Variants in CNOT6L observed in about 807,000 individuals in gnomAD.
The protein encoded by CNOT6L is CCR4-NOT transcription complex subunit 6-like.
Under a neutral mutation model 64.0 loss-of-function variants are expected in CNOT6L, and 7 were observed. That is an observed-to-expected ratio of 0.11 (90% confidence interval 0.06 to 0.21). The LOEUF is 0.21. CNOT6L is among the 10% of genes least tolerant of loss of function. CNOT6L has a pLI of 1.00. For missense variants in CNOT6L, 245 were observed against 669.0 expected, an observed-to-expected ratio of 0.37 and a Z score of 6.99; for synonymous variants, 193 against 243.4, an observed-to-expected ratio of 0.79 and a Z score of 1.93.
In CNOT6L at chr4:77,714,994, C is replaced by T. The variant is rs1310928760; in HGVS notation, c.*5437G>A. 2.0e-5 allele frequency: 3 copies of T among 152,380 alleles called. No homozygotes were observed. Among genetic ancestry groups the T allele is most frequent in the African/African-American group, 7.2e-5 (3 of 41,434 alleles). 9.4% of individuals were successfully genotyped at this position (152,380 alleles called of 1,614,324 possible). A position where few individuals can be genotyped will look rare whatever the true frequency, so the allele number is the denominator to read the frequency against. ...AACTAAATTAAATTGGTACATATAA[C>T]AATTGATAGCTTGAAAGACAATACA... On this transcript the variant is annotated 3_prime_UTR_variant, in exon 12 of 12. Transcript: ENST00000504123.
chr4:77,785,059 G>T (rs989445295), intron 1 of CNOT6L, among the ~76,000 whole-genome samples: 1 of 152,156 alleles, frequency 6.6e-6, no homozygotes. Flanking sequence ...GTAATCCAGA[G>T]AGTTTGGTAT....
In CNOT6L at chr4:77,718,589, G is replaced by A. The variant is rs1280910054; in HGVS notation, c.*1842C>T. 5.3e-5 allele frequency: 8 copies of A among 152,364 alleles called. No individual in the cohort carries two copies. The highest frequency in any genetic ancestry group is 8.8e-5 in the Non-Finnish European group (6 of 67,968). The allele number at this position is 152,364 out of a possible 1,614,324, so 9.4% of individuals were successfully genotyped here. On this transcript the variant is annotated 3_prime_UTR_variant, in exon 12 of 12. Transcript: ENST00000504123. Reference sequence around the variant, plus strand: ...CCAATTATAATAGATGACAAACAACGCCTCTATCACTAGGCACTTTTAAAA... The same window carrying A: ...CCAATTATAATAGATGACAAACAACACCTCTATCACTAGGCACTTTTAAAA...
chr4:77,763,420 T>C (rs1028267048), intron 4 of CNOT6L, among the ~76,000 whole-genome samples: 4 of 152,086 alleles, frequency 2.6e-5, no homozygotes, highest in African/African-American at 7.2e-5. Flanking sequence ...CAGTACCTAG[T>C]ATTGGGTTCA....
At chr4:77,811,131 A>G (rs912711842) in intron 1 of CNOT6L, among the ~76,000 whole-genome samples, 4 of 152,192 alleles carry the variant, frequency 2.6e-5, no homozygotes, top group Non-Finnish European at 5.9e-5. Context: ...GAAATTCTCC[A>G]CACAATTTTT....
intron 1 of CNOT6L, among the ~76,000 whole-genome samples, chr4:77,812,308 G>A (rs1733037298): frequency 6.6e-6 from 1 of 151,616 alleles, no homozygotes; most frequent in Non-Finnish European, 1.5e-5. Flanking sequence ...CATGGTGGCA[G>A]GCACCTGTAA....
intron 5 of CNOT6L, among the ~76,000 whole-genome samples, chr4:77,750,191 G>T (rs1406532765): frequency 6.6e-6 from 1 of 152,090 alleles, no homozygotes; most frequent in Non-Finnish European, 1.5e-5. Context: ...GTATGTAAAT[G>T]CCTACCAGAA....
rs1383560018 is a variant in CNOT6L at position 77,718,343 on chromosome 4, A to ATTAAG, written c.*2083_*2087dup. Reference sequence around the variant, plus strand: ...TACAAAAAAAGGTAATGTCCACAAAATTAAGTTTTTCATGCTATTCTACTT... The same window carrying ATTAAG: ...TACAAAAAAAGGTAATGTCCACAAAATTAAGTTAAGTTTTTCATGCTATTCTACTT... On this transcript the variant is annotated 3_prime_UTR_variant, in exon 12 of 12. Transcript: ENST00000504123. The ATTAAG allele has an allele frequency of 4.6e-5, 7 of 152,584 alleles. No individual in the cohort carries two copies. Among genetic ancestry groups the ATTAAG allele is most frequent in the African/African-American group, 1.2e-4 (5 of 41,444 alleles). The allele number at this position is 152,584 out of a possible 1,614,324, so 9.5% of individuals were successfully genotyped here. A position where few individuals can be genotyped will look rare whatever the true frequency, so the allele number is the denominator to read the frequency against.
At chr4:77,765,591 T>C (rs1726739646) in intron 4 of CNOT6L, among the ~76,000 whole-genome samples, 1 of 152,204 alleles carries the variant, frequency 6.6e-6, no homozygotes, top group African/African-American at 2.4e-5. Context: ...AAACCTTAGA[T>C]ACACATGCAT....
At chr4:77,736,944 G>A (rs1052501027) in intron 8 of CNOT6L, among the ~76,000 whole-genome samples, 2 of 150,798 alleles carry the variant, frequency 1.3e-5, no homozygotes, top group East Asian at 3.9e-4. Context: ...TGTTTCATGT[G>A]CAAAAAGAAC....
chr4:77,721,508 T>C (rs1333693858), intron 11 of CNOT6L, among the ~76,000 whole-genome samples: 1 of 152,210 alleles, frequency 6.6e-6, no homozygotes, highest in African/African-American at 2.4e-5. Context: ...ACAAATACTA[T>C]ACATGAGTTC....
At chr4:77,780,487 C>T (rs915331676) in intron 1 of CNOT6L, among the ~76,000 whole-genome samples, 4 of 152,244 alleles carry the variant, frequency 2.6e-5, no homozygotes, top group Middle Eastern at 3.4e-3. Context: ...TTCAACAGTA[C>T]GAAAAACACT....
At position 77,715,467 on chromosome 4, in the gene CNOT6L, A is replaced by G. The variant is rs13105201; in HGVS notation, c.*4964T>C. The G allele has an allele frequency of 0.79, 119,610 of 152,052 alleles. 47,929 individuals carry two copies. The highest frequency in any genetic ancestry group is 0.86 in the Non-Finnish European group (58,447 of 67,988). The allele number at this position is 152,052 out of a possible 1,614,324, so 9.4% of individuals were successfully genotyped here. A position where few individuals can be genotyped will look rare whatever the true frequency, so the allele number is the denominator to read the frequency against. On this transcript the variant is annotated 3_prime_UTR_variant, in exon 12 of 12. Coordinates refer to ENST00000504123, the MANE Select transcript of CNOT6L (RefSeq NM_144571.3). ...CTTCAATGTCATGTCTGTTGAACGA[A>G]GAACTCAACATGCTTATTTTCCTTT... is the stretch of plus-strand genomic sequence containing the variant.
At chr4:77,732,576 A>G (rs1167599943) in intron 8 of CNOT6L, among the ~76,000 whole-genome samples, 1 of 152,008 alleles carries the variant, frequency 6.6e-6, no homozygotes, top group Non-Finnish European at 1.5e-5. Context: ...TCCCTCCTCC[A>G]ATTCTGAACG....
chr4:77,721,024 T>C (rs1721217924), intron 11 of CNOT6L, among the ~76,000 whole-genome samples: 1 of 152,208 alleles, frequency 6.6e-6, no homozygotes, highest in African/African-American at 2.4e-5. Context: ...AGAATATTTA[T>C]ATGAGCACAT....
At chr4:77,779,203 C>A (rs1479374025) in intron 1 of CNOT6L, among the ~76,000 whole-genome samples, 1 of 151,860 alleles carries the variant, frequency 6.6e-6, no homozygotes, top group African/African-American at 2.4e-5. Flanking sequence ...TATCTCCATA[C>A]AGTTCCCGCC....
intron 1 of CNOT6L, among the ~76,000 whole-genome samples, chr4:77,805,917 A>G (rs569785090): frequency 4.9e-4 from 74 of 152,286 alleles, no homozygotes; most frequent in South Asian, 2.7e-3. Context: ...GATAGAAATC[A>G]CTCCAATAGA....
In CNOT6L at chr4:77,773,170, T is replaced by TA; in HGVS notation, c.315-5_315-4insT. ...ATTGTTATTTAAAAGCAATTCCCTG[T>TA]TTTAAAAAAAAAAAAAAAATTAGTT... On this transcript the variant is annotated splice_polypyrimidine_tract_variant and splice_region_variant and intron_variant, in intron 3 of 11. Transcript: ENST00000504123. 6.5e-7 allele frequency: 1 copy of TA among 1,527,528 alleles called. No individual in the cohort carries two copies. The highest frequency in any genetic ancestry group is 2.3e-5 in the Admixed American group (1 of 44,440). The allele number at this position is 1,527,528 out of a possible 1,614,324, so 94.6% of individuals were successfully genotyped here.
chr4:77,800,011 A>T (rs1417912024), intron 1 of CNOT6L, among the ~76,000 whole-genome samples: 1 of 152,042 alleles, frequency 6.6e-6, no homozygotes, highest in Non-Finnish European at 1.5e-5. Context: ...CAAATTTAAT[A>T]TCTGTTTATA....
chr4:77,714,960 A>G lies in CNOT6L; in HGVS notation c.*5471T>C, dbSNP rs567764501. 54 of 152,690 alleles carry G rather than the reference A, an allele frequency of 3.5e-4. No individual in the cohort carries two copies. Among genetic ancestry groups the G allele is most frequent in the African/African-American group, 1.3e-3 (53 of 41,576 alleles). 9.5% of individuals were successfully genotyped at this position (152,690 alleles called of 1,614,324 possible). The stretch of plus-strand genomic sequence containing the variant: ...TGCTGAACCAATTTTGTGACTTCAG[A>G]TAACTACAAACTAAATTAAATTGGT... On this transcript the variant is annotated 3_prime_UTR_variant, in exon 12 of 12. Transcript: ENST00000504123.
Sources: gnomAD v4.1 joint callset for allele counts (sites outside exome capture counted in the v4.1 genomes callset) on GRCh38, gnomAD v4.1.1 for gene constraint, MANE v1.5 for transcripts, NCBI Gene and HGNC (gene_info 2026-07-23, HGNC 2026-07-21) for gene names.